Variants in DNAH12 observed in about 807,000 individuals in gnomAD.
The protein encoded by DNAH12 is dynein axonemal heavy chain 12, also known as axonemal beta dynein heavy chain 12.
DNAH12 carries 285 observed loss-of-function variants against 371.5 expected under a neutral mutation model. The ratio of observed to expected loss-of-function variants is 0.77; its 90% CI spans 0.70 to 0.85. The LOEUF is 0.85. DNAH12 is among the 40% of genes least tolerant of loss of function. The pLI is 0.00. For synonymous variants in DNAH12, 1,200 were observed against 1,213.0 expected (o/e 0.99, Z 0.22); for missense variants, 3,611 against 3,689.4 (o/e 0.98, Z 0.55).
intron 60 of DNAH12, among the ~76,000 whole-genome samples, chr3:57,343,647 T>C (rs1334128162): frequency 1.3e-5 from 2 of 152,166 alleles, no homozygotes; most frequent in Non-Finnish European, 2.9e-5. Flanking sequence ...GGGTCTGTGC[T>C]GAGGTGGATT....
chr3:57,469,965 G>A (rs577894019), intron 16 of DNAH12, among the ~76,000 whole-genome samples: 1 of 152,106 alleles, frequency 6.6e-6, no homozygotes, highest in East Asian at 1.9e-4. Context: ...ACCTGCACAT[G>A]TTACCGAATC....
Position 57,520,988 on chromosome 3 carries a change from G to A in DNAH12, c.279+2595C>T, listed in dbSNP as rs1387013385. Among the ~76,000 whole-genome samples the A allele has an allele frequency of 4.3e-5, 6 of 140,968 alleles. No individual in the cohort carries two copies. The Admixed American group carries it at 4.6e-4, about 11-fold the overall frequency. The allele number at this position is 140,968 out of a possible 152,430, so 92.5% of individuals were successfully genotyped here. A position where few individuals can be genotyped will look rare whatever the true frequency, so the allele number is the denominator to read the frequency against. Reference sequence around the variant, plus strand: ...CTGAGGCAGGAGAATTGCTTGATCTGGGGAGGTGGAGGTTGCAGTGAGCCG... The same window carrying A: ...CTGAGGCAGGAGAATTGCTTGATCTAGGGAGGTGGAGGTTGCAGTGAGCCG... On this transcript the variant is annotated intron_variant, in intron 4 of 73. Coordinates refer to ENST00000495027, the MANE Select transcript of DNAH12 (RefSeq NM_001366028.2).
chr3:57,448,481 G>A (rs115520011), intron 25 of DNAH12, among the ~76,000 whole-genome samples: 3,914 of 152,234 alleles, frequency 0.026, 68 homozygotes, highest in Non-Finnish European at 0.034. Flanking sequence ...TCGTGGTCTC[G>A]CTGGCTTCAG....
chr3:57,414,696 T>G (rs756108862), intron 38 of DNAH12, among the ~76,000 whole-genome samples: 5 of 152,216 alleles, frequency 3.3e-5, no homozygotes, highest in African/African-American at 4.8e-5. Flanking sequence ...ATGTGGATGC[T>G]TTCTTATAGT....
intron 60 of DNAH12, among the ~76,000 whole-genome samples, chr3:57,335,893 A>C (rs1164880195): frequency 4.6e-5 from 7 of 152,218 alleles, no homozygotes; most frequent in Admixed American, 6.5e-5. Flanking sequence ...TCAGCACCAG[A>C]GGAATTCAGG....
chr3:57,433,912 GATA>G (rs1409912149), intron 30 of DNAH12, 84 bp from the exon 31 acceptor site: 1 of 1,129,708 alleles, frequency 8.9e-7, no homozygotes, highest in African/African-American at 1.6e-5. Context: ...TTTACCCTGT[GATA>G]ATTACTACTT....
At chr3:57,476,699 T>C (rs1249962279) in intron 13 of DNAH12, among the ~76,000 whole-genome samples, 1 of 152,240 alleles carries the variant, frequency 6.6e-6, no homozygotes, top group Admixed American at 6.5e-5. Context: ...CTTTAGAACA[T>C]TCCAAATTGT....
chr3:57,363,522 C>A (rs1225904386), intron 58 of DNAH12, 72 bp downstream of exon 58: 1 of 151,980 alleles, frequency 6.6e-6, no homozygotes, highest in Non-Finnish European at 1.5e-5. Flanking sequence ...GGACTGGAAA[C>A]AAATCAGGAT....
intron 11 of DNAH12, among the ~76,000 whole-genome samples, chr3:57,490,578 C>T (rs932733485): frequency 6.6e-5 from 10 of 152,112 alleles, no homozygotes. Context: ...TGCCTTCCTT[C>T]TCACTTGATC....
At chr3:57,530,390 C>T in intron 2 of DNAH12, 2 of 535,286 alleles carry the variant, frequency 3.7e-6, no homozygotes, top group African/African-American at 1.9e-5. Flanking sequence ...AAAACTCCAA[C>T]TCCCAGGCCT....
intron 65 of DNAH12, among the ~76,000 whole-genome samples, chr3:57,321,710 A>C (rs532994649): frequency 1.3e-5 from 2 of 152,272 alleles, no homozygotes; most frequent in South Asian, 4.2e-4. Flanking sequence ...TCACAGATAT[A>C]AGCTATATCT....
chr3:57,317,117 CCTTT>C (rs924186969), intron 65 of DNAH12, among the ~76,000 whole-genome samples: 3 of 152,164 alleles, frequency 2.0e-5, no homozygotes, highest in African/African-American at 7.2e-5. Flanking sequence ...TTCCTCCCTT[CCTTT>C]CTTTGTCCTC....
intron 55 of DNAH12, among the ~76,000 whole-genome samples, chr3:57,372,124 GAAGAATTGGA>G (rs1218648844): frequency 6.9e-6 from 1 of 144,724 alleles, no homozygotes; most frequent in Non-Finnish European, 1.6e-5. Flanking sequence ...TGCTAGAAAA[GAAGAATTGGA>G]ATATTCCTGA....
rs1160843338 is a variant in DNAH12, at chr3:57,433,496, A to G, written c.4851T>C (p.Gly1617=). Residue 1617 remains glycine (G), a synonymous_variant, in exon 32 of 74, where the codon GGT becomes GGC. Coordinates refer to ENST00000495027, the MANE Select transcript of DNAH12 (RefSeq NM_001366028.2). ...ATTCTCTAAAAGTGTTAGCCACAATACCATCAGTCCACTGAGGAGGAAAAA... is the reference window on the plus strand; with the variant it reads ...ATTCTCTAAAAGTGTTAGCCACAATGCCATCAGTCCACTGAGGAGGAAAAA... ...FDPVSHEWTD[G]IVANTFREFA... is the part of the protein sequence containing the mutation. The G allele has an allele frequency of 6.4e-7, 1 of 1,551,252 alleles. No individual in the cohort carries two copies. Among genetic ancestry groups the G allele is most frequent in the Non-Finnish European group, 8.7e-7 (1 of 1,146,898 alleles).
chr3:57,378,688 C>T (rs1423652454), intron 52 of DNAH12, among the ~76,000 whole-genome samples: 1 of 152,150 alleles, frequency 6.6e-6, no homozygotes, highest in Non-Finnish European at 1.5e-5. Flanking sequence ...GAAATTTGGA[C>T]CCAGTGGGTA....
At chr3:57,310,643 G>C (rs2061564662) in intron 67 of DNAH12, 74 bp downstream of exon 67, 11 of 1,025,716 alleles carry the variant, frequency 1.1e-5, no homozygotes, top group Non-Finnish European at 1.5e-5. Flanking sequence ...CTATACATTA[G>C]AGAAGAACAT....
intron 11 of DNAH12, among the ~76,000 whole-genome samples, chr3:57,491,946 C>T (rs754291525): frequency 6.6e-6 from 1 of 151,692 alleles, no homozygotes; most frequent in South Asian, 2.1e-4. Context: ...GCAGAGGCTG[C>T]GTTGAGCCGT....
In DNAH12 at chr3:57,389,839, T is replaced by TATATATATAAAA. The variant is rs1326237791; in HGVS notation, c.7305+2032_7305+2033insTTTTATATATAT. 4.5e-3 allele frequency among the ~76,000 whole-genome samples: 385 copies of TATATATATAAAA among 84,686 alleles called. 24 individuals are homozygous for TATATATATAAAA. Among genetic ancestry groups the TATATATATAAAA allele is most frequent in the Non-Finnish European group, 7.8e-3 (283 of 36,128 alleles). 55.6% of individuals were successfully genotyped at this position (84,686 alleles called of 152,430 possible). A position where few individuals can be genotyped will look rare whatever the true frequency, so the allele number is the denominator to read the frequency against. ...GTGTGTGTGTATATATATATATATA[T>TATATATATAAAA]AATACTTTTTTTTTTGAAATGGAGT... On this transcript the variant is annotated intron_variant, in intron 45 of 73. Transcript: ENST00000495027.
chr3:57,405,711 T>G lies in DNAH12; in HGVS notation c.6518A>C (p.Asp2173Ala). ...LFQLTKTVIK[D>A]HFKESFHSIF... The stretch of plus-strand genomic sequence containing the variant: ...ACTGTGAAATGATTCTTTAAAATGG[T>G]CCTTTATAACAGTTTTAGTTAACTG... Residue 2173 changes from aspartate (D) to alanine (A), a missense_variant, in exon 41 of 74, where the codon GAC becomes GCC. Transcript: ENST00000495027. 1 of 1,551,700 alleles carries G rather than the reference T, an allele frequency of 6.4e-7. No homozygotes were observed. Among genetic ancestry groups the G allele is most frequent in the Non-Finnish European group, 8.7e-7 (1 of 1,146,988 alleles).
Sources: allele counts gnomAD v4.1 joint callset (sites outside exome capture counted in the v4.1 genomes callset), GRCh38; gene constraint gnomAD v4.1.1; transcripts MANE v1.5; gene names NCBI Gene and HGNC (gene_info 2026-07-23, HGNC 2026-07-21).